The following TMEM182 variants were observed in gnomAD, a reference collection of about 807,000 sequenced individuals.
The protein encoded by TMEM182 is transmembrane protein 182.
TMEM182 carries 20 observed loss-of-function variants against 26.8 expected under a neutral mutation model. That is an observed-to-expected ratio of 0.75 (90% CI 0.53 to 1.09). The LOEUF is 1.09. Among genes scored for constraint, TMEM182 ranks in the 50% least tolerant of loss-of-function variants. TMEM182 has a pLI of 0.00. For missense variants in TMEM182, 277 were observed against 275.5 expected (o/e 1.01, Z -0.04); for synonymous variants, 109 against 102.2 (o/e 1.07, Z -0.40).
chr2:102,830,442 A>G (rs1683129682), intron 3 of TMEM182, among the ~76,000 whole-genome samples: 1 of 152,222 alleles, frequency 6.6e-6, no homozygotes, highest in African/African-American at 2.4e-5. Context: ...TTTGTGGGCT[A>G]ACATGGGAAG....
chr2:102,778,004 T>C (rs1680995975), intron 3 of TMEM182, among the ~76,000 whole-genome samples: 1 of 152,018 alleles, frequency 6.6e-6, no homozygotes, highest in Non-Finnish European at 1.5e-5. Context: ...ATTCTATAAA[T>C]GTTGATTAGT....
chr2:102,773,809 A>G (rs1573516461), intron 3 of TMEM182, among the ~76,000 whole-genome samples: 1 of 152,256 alleles, frequency 6.6e-6, no homozygotes, highest in African/African-American at 2.4e-5. Flanking sequence ...GGATATTAGG[A>G]GGTAAAAATG....
intron 4 of TMEM182, among the ~76,000 whole-genome samples, chr2:102,798,876 A>G (rs1202135637): frequency 1.3e-5 from 2 of 152,224 alleles, no homozygotes; most frequent in South Asian, 4.2e-4. Context: ...GATCCATATG[A>G]ATTATCTGAA....
At chr2:102,820,148 C>G (rs1682890474), downstream of TMEM182, among the ~76,000 whole-genome samples, 1 of 152,158 alleles carries the variant, frequency 6.6e-6, no homozygotes, top group African/African-American at 2.4e-5. Flanking sequence ...TTATTTGGGT[C>G]CCCTGAAGGG....
intron 4 of TMEM182, among the ~76,000 whole-genome samples, chr2:102,798,702 G>T (rs768121521): frequency 6.6e-6 from 1 of 152,068 alleles, no homozygotes; most frequent in Non-Finnish European, 1.5e-5. Context: ...TTAGCCAGGC[G>T]TGGTGGCATG....
chr2:102,759,576 G>A (rs748178965), upstream of TMEM182, among the ~76,000 whole-genome samples: 3 of 152,120 alleles, frequency 2.0e-5, no homozygotes, highest in African/African-American at 4.8e-5. Flanking sequence ...AACTTAGTTT[G>A]CTCTAATATT....
intron 3 of TMEM182, among the ~76,000 whole-genome samples, chr2:102,783,223 A>C (rs1189584011): frequency 6.6e-6 from 1 of 152,234 alleles, no homozygotes; most frequent in Non-Finnish European, 1.5e-5. Context: ...CAGAGTAGCT[A>C]TGGGAACACT....
intron 4 of TMEM182, among the ~76,000 whole-genome samples, chr2:102,813,972 G>T (rs1387605966): frequency 6.7e-6 from 1 of 150,038 alleles, no homozygotes; most frequent in African/African-American, 2.5e-5. Flanking sequence ...CATTTAATAT[G>T]GCTGTTGATC....
chr2:102,738,266 A>G (rs1679422306), intron 1 of TMEM182, among the ~76,000 whole-genome samples: 1 of 152,192 alleles, frequency 6.6e-6, no homozygotes. Flanking sequence ...GGTACACATT[A>G]TAACCTAGGA....
At chr2:102,770,275 T>C (rs1243813438) in intron 3 of TMEM182, among the ~76,000 whole-genome samples, 1 of 152,082 alleles carries the variant, frequency 6.6e-6, no homozygotes, top group Non-Finnish European at 1.5e-5. Flanking sequence ...CAGGAAGGAA[T>C]TGGATCATAA....
chr2:102,776,321 A>G (rs563880235), intron 3 of TMEM182, among the ~76,000 whole-genome samples: 13 of 152,212 alleles, frequency 8.5e-5, no homozygotes, highest in African/African-American at 2.9e-4. Flanking sequence ...TGTACTGTTT[A>G]TTTATCCCTT....
At chr2:102,758,817 A>G (rs898084970), upstream of TMEM182, among the ~76,000 whole-genome samples, 1 of 152,216 alleles carries the variant, frequency 6.6e-6, no homozygotes, top group Non-Finnish European at 1.5e-5. Context: ...ATTTTTCTCA[A>G]TAGATGAACA....
chr2:102,788,206 T>C (rs1355734259), intron 3 of TMEM182, among the ~76,000 whole-genome samples: 1 of 152,176 alleles, frequency 6.6e-6, no homozygotes, highest in African/African-American at 2.4e-5. Context: ...TACTGGGCTT[T>C]TGAAAACACT....
In TMEM182 at chr2:102,815,170, G is replaced by C; in HGVS notation, c.*202G>C. The stretch of plus-strand genomic sequence containing the variant: ...ACCAGCAAGCCTCTATCTTGTCTAA[G>C]TGCTGTCAAGGACCTAGTTCTTTAG... On this transcript the variant is annotated 3_prime_UTR_variant, in exon 5 of 5. Coordinates refer to ENST00000412401, the MANE Select transcript of TMEM182 (RefSeq NM_144632.5). 7.2e-7 allele frequency: 1 copy of C among 1,396,072 alleles called. No homozygotes were observed. Among genetic ancestry groups the C allele is most frequent in the South Asian group, 1.6e-5 (1 of 63,746 alleles). 86.5% of individuals were successfully genotyped at this position (1,396,072 alleles called of 1,614,324 possible). A position where few individuals can be genotyped will look rare whatever the true frequency, so the allele number is the denominator to read the frequency against.
intron 4 of TMEM182, among the ~76,000 whole-genome samples, chr2:102,803,339 A>G (rs1682223114): frequency 6.6e-6 from 1 of 152,228 alleles, no homozygotes; most frequent in South Asian, 2.1e-4. Context: ...AGCCGTCTGC[A>G]GCTCACCCGT....
At chr2:102,808,896 A>T (rs1314614128) in intron 4 of TMEM182, among the ~76,000 whole-genome samples, 1 of 152,170 alleles carries the variant, frequency 6.6e-6, no homozygotes, top group African/African-American at 2.4e-5. Context: ...AGCTATAGTG[A>T]TAGATGCTTT....
downstream of TMEM182, among the ~76,000 whole-genome samples, chr2:102,821,006 T>C (rs983884493): frequency 2.6e-5 from 4 of 152,158 alleles, no homozygotes; most frequent in Non-Finnish European, 5.9e-5. Flanking sequence ...TGTCCACGTT[T>C]CAACCCTGAT....
At chr2:102,803,409 G>T (rs1214779529) in intron 4 of TMEM182, among the ~76,000 whole-genome samples, 3 of 152,182 alleles carry the variant, frequency 2.0e-5, no homozygotes, top group African/African-American at 7.2e-5. Flanking sequence ...ACTTAATCTA[G>T]TGTAGGAAAG....
chr2:102,746,317 T>C (rs10200595), intron 1 of TMEM182, among the ~76,000 whole-genome samples: 2,341 of 152,298 alleles, frequency 0.015, 69 homozygotes, highest in African/African-American at 0.054. Flanking sequence ...AAGAGTTCTT[T>C]ATATGGTCTA....
Sources: gnomAD v4.1 joint callset for allele counts (sites outside exome capture counted in the v4.1 genomes callset) on GRCh38, gnomAD v4.1.1 for gene constraint, MANE v1.5 for transcripts, NCBI Gene and HGNC (gene_info 2026-07-23, HGNC 2026-07-21) for gene names.